The following TEAD1 variants were observed in gnomAD, a reference collection of about 807,000 sequenced individuals.
TEAD1 encodes the protein TEA domain transcription factor 1, also known as transcriptional enhancer factor TEF-1.
A neutral mutation model predicts 54.9 loss-of-function variants in TEAD1; 9 were observed. That is an observed-to-expected ratio of 0.16 (90% CI 0.10 to 0.29). The LOEUF is 0.29. Ranked by LOEUF, TEAD1 falls within the 10% of genes least tolerant of loss-of-function variation. The pLI is 1.00. For missense variants in TEAD1, 387 were observed against 535.9 expected, an observed-to-expected ratio of 0.72 and a Z score of 2.74; for synonymous variants, 200 against 187.8, an observed-to-expected ratio of 1.07 and a Z score of -0.53.
intron 2 of TEAD1, among the ~76,000 whole-genome samples, chr11:12,722,212 G>A (rs970283337): frequency 2.0e-5 from 3 of 152,156 alleles, no homozygotes; most frequent in Non-Finnish European, 4.4e-5. Flanking sequence ...GACAAGATGG[G>A]CCAGGACTTT....
At chr11:12,715,203 C>G (rs1944029982) in intron 2 of TEAD1, among the ~76,000 whole-genome samples, 2 of 152,144 alleles carry the variant, frequency 1.3e-5, no homozygotes, top group African/African-American at 4.8e-5. Context: ...GCACCCTCCT[C>G]TCCTCCAAAT....
At chr11:12,717,897 T>C (rs1185606214) in intron 2 of TEAD1, among the ~76,000 whole-genome samples, 1 of 152,140 alleles carries the variant, frequency 6.6e-6, no homozygotes, top group Admixed American at 6.5e-5. Flanking sequence ...GGTTGTACAG[T>C]GGGGGTATTA....
intron 2 of TEAD1, among the ~76,000 whole-genome samples, chr11:12,748,813 A>T (rs1024472975): frequency 6.7e-6 from 1 of 150,306 alleles, no homozygotes; most frequent in African/African-American, 2.5e-5. Flanking sequence ...CCTTTCCTTG[A>T]GACAGGAGCA....
intron 3 of TEAD1, among the ~76,000 whole-genome samples, chr11:12,834,670 C>T (rs141824039): frequency 2.0e-3 from 305 of 152,034 alleles, no homozygotes; most frequent in African/African-American, 7.0e-3. Context: ...CAGTGTTGCC[C>T]AGGCTGGTCT....
intron 2 of TEAD1, among the ~76,000 whole-genome samples, chr11:12,700,439 T>C (rs936686833): frequency 1.3e-5 from 2 of 152,232 alleles, no homozygotes; most frequent in Non-Finnish European, 2.9e-5. Context: ...CACCAGGTAC[T>C]CAAGGTTTAA....
chr11:12,684,292 G>T (rs886293557), intron 2 of TEAD1, among the ~76,000 whole-genome samples: 5 of 152,198 alleles, frequency 3.3e-5, no homozygotes, highest in African/African-American at 1.2e-4. Flanking sequence ...TGAATTAAAT[G>T]GAAATGCTTC....
chr11:12,814,485 G>A (rs1946373432), intron 3 of TEAD1, among the ~76,000 whole-genome samples: 2 of 152,142 alleles, frequency 1.3e-5, no homozygotes, highest in Admixed American at 6.5e-5. Flanking sequence ...CTCTGTTGCT[G>A]GGCAAGGGAA....
chr11:12,721,556 ACT>A (rs1460206322), intron 2 of TEAD1, among the ~76,000 whole-genome samples: 1 of 152,066 alleles, frequency 6.6e-6, no homozygotes, highest in Non-Finnish European at 1.5e-5. Context: ...GGATGTAGAT[ACT>A]CTCTGTCAGC....
chr11:12,740,570 A>G (rs1271331098), intron 2 of TEAD1, among the ~76,000 whole-genome samples: 1 of 152,162 alleles, frequency 6.6e-6, no homozygotes, highest in African/African-American at 2.4e-5. Context: ...GGCCTCAGGA[A>G]ACTTATAATC....
chr11:12,792,522 G>C (rs1157124139), intron 3 of TEAD1, among the ~76,000 whole-genome samples: 1 of 152,134 alleles, frequency 6.6e-6, no homozygotes, highest in Admixed American at 6.5e-5. Flanking sequence ...ACTTAAATGT[G>C]AAATTGTTCT....
chr11:12,734,641 C>T (rs1944490248), intron 2 of TEAD1, among the ~76,000 whole-genome samples: 1 of 152,102 alleles, frequency 6.6e-6, no homozygotes, highest in Non-Finnish European at 1.5e-5. Context: ...CTATGTGTAG[C>T]TATGTTTAGA....
chr11:12,753,802 ATCC>A (rs1159510160), intron 2 of TEAD1, among the ~76,000 whole-genome samples: 1 of 152,200 alleles, frequency 6.6e-6, no homozygotes, highest in Non-Finnish European at 1.5e-5. Context: ...CCTTTAAAGT[ATCC>A]TCGACTACTT....
At chr11:12,908,357 C>A (rs1361168132) in intron 10 of TEAD1, among the ~76,000 whole-genome samples, 1 of 152,190 alleles carries the variant, frequency 6.6e-6, no homozygotes, top group Non-Finnish European at 1.5e-5. Context: ...CATTCTGTTT[C>A]CCCTGCCCTG....
chr11:12,928,311 C>A (rs1310024493), intron 11 of TEAD1, among the ~76,000 whole-genome samples: 2 of 135,478 alleles, frequency 1.5e-5, no homozygotes, highest in Admixed American at 1.6e-4. Context: ...GATGGGGTCT[C>A]ACTCTGTCAC....
chr11:12,728,613 A>T (rs545047836), intron 2 of TEAD1, among the ~76,000 whole-genome samples: 1 of 152,324 alleles, frequency 6.6e-6, no homozygotes, highest in South Asian at 2.1e-4. Flanking sequence ...CTAGTCTTGT[A>T]ATAGCGGCAG....
chr11:12,869,243 C>T (rs1403897917), intron 5 of TEAD1, among the ~76,000 whole-genome samples: 1 of 152,144 alleles, frequency 6.6e-6, no homozygotes, highest in East Asian at 1.9e-4. Flanking sequence ...AGAGGGAGGC[C>T]AAGCTGGAGT....
chr11:12,908,245 C>G (rs1948553315), intron 10 of TEAD1, among the ~76,000 whole-genome samples: 1 of 152,130 alleles, frequency 6.6e-6, no homozygotes, highest in African/African-American at 2.4e-5. Context: ...TACAGTGTTC[C>G]TCTGCCCTAA....
intron 2 of TEAD1, among the ~76,000 whole-genome samples, chr11:12,753,956 C>CA (rs1165797451): frequency 1.3e-5 from 2 of 152,096 alleles, no homozygotes; most frequent in Non-Finnish European, 2.9e-5. Context: ...GTATGGCTAT[C>CA]AATCAACCTG....
chr11:12,882,068 A>G, intron 8 of TEAD1, 111 bp downstream of exon 8: 2 of 1,181,602 alleles, frequency 1.7e-6, no homozygotes, highest in East Asian at 2.4e-5. Flanking sequence ...ACAGCCGCAC[A>G]TTGCCCCTGA....
Sources: gnomAD v4.1 joint callset for allele counts (sites outside exome capture counted in the v4.1 genomes callset) on GRCh38, gnomAD v4.1.1 for gene constraint, MANE v1.5 for transcripts, NCBI Gene and HGNC (gene_info 2026-07-23, HGNC 2026-07-21) for gene names.